Variants in COL20A1 observed in about 807,000 individuals in gnomAD.
COL20A1 encodes collagen alpha-1(XX) chain.
In COL20A1, 164 loss-of-function variants were observed where a neutral mutation model predicts 152.9. That is an observed-to-expected ratio of 1.07 (90% CI 0.94 to 1.22). The LOEUF (loss-of-function observed/expected upper bound fraction) is 1.22. Among genes scored for constraint, COL20A1 ranks in the 50% most tolerant of loss-of-function variants. The probability of loss-of-function intolerance (pLI) is 0.00; values close to 1 mark genes in which losing one functional copy is unlikely to be tolerated. For missense variants in COL20A1, 1,873 were observed against 1,744.8 expected (o/e 1.07, Z -1.31); for synonymous variants, 864 against 756.0 (o/e 1.14, Z -2.34).
intron 27 of COL20A1, among the ~76,000 whole-genome samples, chr20:63,322,795 C>A (rs2068184996): frequency 6.6e-6 from 1 of 152,270 alleles, no homozygotes; most frequent in South Asian, 2.1e-4. Context: ...CGACACCCAC[C>A]TCTCCCCCGG....
In COL20A1 at chr20:63,297,988, T is replaced by A. The variant is rs776322956; in HGVS notation, c.161T>A (p.Leu54His). ...TGGAGAGAGTCGGAGGGGAGCGGCC[T>A]CGGCTACCTGGTGCAGGTGAAGCCC... ...MKWRESEGSG[L>H]GYLVQVKPMA... is the part of the protein sequence containing the mutation. Residue 54 changes from leucine (L) to histidine (H), a missense_variant, in exon 3 of 36, where the codon CTC (leucine) becomes CAC (histidine). By Grantham distance (99) the Leu-to-His change is moderately conservative. Coordinates refer to ENST00000358894, the MANE Select transcript of COL20A1 (RefSeq NM_020882.4). 6.2e-7 allele frequency: 1 copy of A among 1,612,526 alleles called. No individual in the cohort carries two copies. Among genetic ancestry groups the A allele is most frequent in the African/African-American group, 1.3e-5 (1 of 74,928 alleles).
chr20:63,307,180 C>G (rs1166329330), intron 5 of COL20A1, among the ~76,000 whole-genome samples: 1 of 152,232 alleles, frequency 6.6e-6, no homozygotes, highest in Admixed American at 6.5e-5. Context: ...TGGTGCCCAC[C>G]CTCCCCTCCT....
Position 63,309,776 on chromosome 20 carries a change from A to T in COL20A1, c.1124A>T (p.Asp375Val). The change falls in exon 10 of 36, where the codon GAC (aspartate) becomes GTC (valine). Residue 375 changes from aspartate (D) to valine (V), a missense_variant. By Grantham distance (152) the Asp-to-Val change is radical (BLOSUM62 -3). Coordinates refer to ENST00000358894, the MANE Select transcript of COL20A1 (RefSeq NM_020882.4). ...RQGPAAAPALDTLPAPTSLVL... is the reference protein window; with the variant it reads ...RQGPAAAPALVTLPAPTSLVL... The stretch of plus-strand genomic sequence containing the variant: ...CCAGCAGCAGCGGCTCCAGCCCTGG[A>T]CACCCTCCCTGCCCCCACCAGCCTG... 1.3e-6 allele frequency: 2 copies of T among 1,591,016 alleles called. No homozygotes were observed. The highest frequency in any genetic ancestry group is 1.7e-6 in the Non-Finnish European group (2 of 1,170,264).
At chr20:63,308,515 T>C in intron 7 of COL20A1, 27 bp from the exon 8 acceptor site, 3 of 1,537,580 alleles carry the variant, frequency 2.0e-6, no homozygotes, top group Non-Finnish European at 2.6e-6. Context: ...GGCAGCTGCC[T>C]GTCACTTTAT....
At chr20:63,301,898 A>G (rs952136143) in intron 3 of COL20A1, among the ~76,000 whole-genome samples, 1 of 152,202 alleles carries the variant, frequency 6.6e-6, no homozygotes, top group Non-Finnish European at 1.5e-5. Flanking sequence ...ATTTAATGAA[A>G]TTAATGATAC....
intron 3 of COL20A1, among the ~76,000 whole-genome samples, chr20:63,299,137 C>A (rs971658037): frequency 6.6e-6 from 1 of 152,174 alleles, no homozygotes; most frequent in Admixed American, 6.5e-5. Flanking sequence ...TGTGTGATCT[C>A]TTCTGCTATT....
At chr20:63,321,659 CT>C (rs2068164430) in intron 26 of COL20A1, among the ~76,000 whole-genome samples, 1 of 152,164 alleles carries the variant, frequency 6.6e-6, no homozygotes, top group Non-Finnish European at 1.5e-5. Context: ...GCCTGGACCC[CT>C]GCCATGGGGT....
At chr20:63,307,821 G>A in intron 6 of COL20A1, 150 bp from the exon 7 acceptor site, 2 of 1,171,338 alleles carry the variant, frequency 1.7e-6, no homozygotes, top group Non-Finnish European at 2.4e-6. Context: ...GGAGGCCCTG[G>A]CTCTGCAAGC....
intron 31 of COL20A1, 34 bp from the exon 32 acceptor site, chr20:63,327,918 C>G (rs775356717): frequency 6.4e-7 from 1 of 1,574,092 alleles, no homozygotes; most frequent in Admixed American, 1.8e-5. Flanking sequence ...CAGGCCATCT[C>G]TGCTGACTTC....
In COL20A1 at chr20:63,305,704, C is replaced by T; in HGVS notation, c.337+144C>T. On this transcript the variant is annotated intron_variant, in intron 4 of 35. Coordinates refer to ENST00000358894, the MANE Select transcript of COL20A1 (RefSeq NM_020882.4). The surrounding 1 kb of genome is among the most constrained non-coding windows in gnomAD (Gnocchi z 4.9). ...AAGCAGTTCTGGGCTGTGCTAGGGG[C>T]AGGTTCAAGTCCCGACTCACCAGCA... is the stretch of plus-strand genomic sequence containing the variant. 1 of 1,147,194 alleles carries T rather than the reference C, an allele frequency of 8.7e-7. No individual in the cohort carries two copies. The highest frequency in any genetic ancestry group is 1.5e-5 in the South Asian group (1 of 64,644). 71.1% of individuals were successfully genotyped at this position (1,147,194 alleles called of 1,614,324 possible).
At chr20:63,309,588 T>C (rs1380145349) in intron 9 of COL20A1, 91 bp downstream of exon 9, 5 of 1,322,418 alleles carry the variant, frequency 3.8e-6, no homozygotes, top group Non-Finnish European at 5.0e-6. Context: ...GTGTGGTACC[T>C]GAGGCCGGCT....
At chr20:63,309,258 T>C in intron 8 of COL20A1, 75 bp from the exon 9 acceptor site, 5 of 1,219,848 alleles carry the variant, frequency 4.1e-6, no homozygotes, top group Non-Finnish European at 5.4e-6. Context: ...CCAGTCTCCA[T>C]GGAGACCCCC....
chr20:63,325,152 T>G, intron 27 of COL20A1: 2 of 571,456 alleles, frequency 3.5e-6, no homozygotes, highest in Non-Finnish European at 3.2e-6. Flanking sequence ...GGTGTCTCCA[T>G]GTCGGTCTGG....
chr20:63,305,660 C>A lies in COL20A1; in HGVS notation c.337+100C>A. On this transcript the variant is annotated intron_variant, in intron 4 of 35. Coordinates refer to ENST00000358894, the MANE Select transcript of COL20A1 (RefSeq NM_020882.4). The surrounding 1 kb of genome is among the most constrained non-coding windows in gnomAD (Gnocchi z 4.9). ...CCCTCCTCCAGGCTGCGTTCCAGCCCCAGGGGTGGGTATGTGTGAAGCAGT... is the reference window on the plus strand; with the variant it reads ...CCCTCCTCCAGGCTGCGTTCCAGCCACAGGGGTGGGTATGTGTGAAGCAGT... The A allele has an allele frequency of 1.5e-6, 2 of 1,361,082 alleles. No individual in the cohort carries two copies. The highest frequency in any genetic ancestry group is 2.0e-6 in the Non-Finnish European group (2 of 1,009,420). 84.3% of individuals were successfully genotyped at this position (1,361,082 alleles called of 1,614,324 possible).
chr20:63,300,577 T>G (rs1318153616), intron 3 of COL20A1, among the ~76,000 whole-genome samples: 2 of 152,216 alleles, frequency 1.3e-5, no homozygotes, highest in African/African-American at 4.8e-5. Flanking sequence ...ATCTTCTCTC[T>G]GCTTTCAAAA....
chr20:63,306,497 C>T lies in COL20A1; in HGVS notation c.496+458C>T, dbSNP rs2067927738. On this transcript the variant is annotated intron_variant, in intron 5 of 35. Transcript: ENST00000358894. This position sits in a 1 kb window ranked among gnomAD's most constrained non-coding sequence, Gnocchi z 6.9. Reference sequence around the variant, plus strand: ...CCCTTTGGGAACCTCCAGCCTGGGTCTAGGGGGTGGTGAGAGGGGTGGGTC... The same window carrying T: ...CCCTTTGGGAACCTCCAGCCTGGGTTTAGGGGGTGGTGAGAGGGGTGGGTC... Among the ~76,000 whole-genome samples, 1 of 152,210 alleles carries T rather than the reference C, an allele frequency of 6.6e-6. No individual in the cohort carries two copies. The highest frequency in any genetic ancestry group is 1.5e-5 in the Non-Finnish European group (1 of 68,038).
In COL20A1 at chr20:63,330,967, T is replaced by C. The variant is rs1027813891; in HGVS notation, c.*251T>C. The C allele has an allele frequency of 1.3e-5, 2 of 151,756 alleles. No homozygotes were observed. The highest frequency in any genetic ancestry group is 2.9e-5 in the Non-Finnish European group (2 of 67,994). The allele number at this position is 151,756 out of a possible 1,614,324, so 9.4% of individuals were successfully genotyped here. A position where few individuals can be genotyped will look rare whatever the true frequency, so the allele number is the denominator to read the frequency against. ...AGGCGGGAGTCATTTCCTGGGAGAG[T>C]GTCCCCCACCCTGGCTCTGTGCACC... On this transcript the variant is annotated 3_prime_UTR_variant, in exon 36 of 36. Coordinates refer to ENST00000358894, the MANE Select transcript of COL20A1 (RefSeq NM_020882.4).
chr20:63,326,181 C>T, intron 30 of COL20A1, 32 bp downstream of exon 30: 2 of 1,573,514 alleles, frequency 1.3e-6, no homozygotes, highest in Admixed American at 1.7e-5. Context: ...CCCCGACCCC[C>T]ACCCAGGGTT....
intron 27 of COL20A1, among the ~76,000 whole-genome samples, chr20:63,323,737 G>C (rs946997707): frequency 2.6e-5 from 4 of 152,220 alleles, no homozygotes; most frequent in East Asian, 3.8e-4. Flanking sequence ...GGCGAGGGCT[G>C]TGCTGCTTAA....
Sources: allele counts gnomAD v4.1 joint callset (sites outside exome capture counted in the v4.1 genomes callset), GRCh38; gene constraint gnomAD v4.1.1; non-coding constraint Gnocchi (gnomAD v3.1); transcripts MANE v1.5; gene names NCBI Gene and HGNC (gene_info 2026-07-23, HGNC 2026-07-21).